P3H2: variants seen among roughly 807,000 people sequenced by gnomAD.
The protein encoded by P3H2 is leprecan-like 1.
In P3H2, 80 loss-of-function variants were observed where a neutral mutation model predicts 87.0. The observed-to-expected ratio is 0.92, with a 90% CI of 0.77 to 1.11. The LOEUF (loss-of-function observed/expected upper bound fraction) is 1.11. Ranked by LOEUF, P3H2 falls within the 50% of genes least tolerant of loss-of-function variation. P3H2 has a pLI of 0.00. For synonymous variants in P3H2, 367 were observed against 359.3 expected, an observed-to-expected ratio of 1.02 and a Z score of -0.24; for missense variants, 1,001 against 923.9, an observed-to-expected ratio of 1.08 and a Z score of -1.08.
intron 1 of P3H2, among the ~76,000 whole-genome samples, chr3:190,052,939 T>C (rs1346433835): frequency 6.6e-6 from 1 of 152,200 alleles, no homozygotes; most frequent in Admixed American, 6.5e-5. Context: ...CAACCGTTGA[T>C]CTGCTTTCAT....
intron 1 of P3H2, among the ~76,000 whole-genome samples, chr3:190,029,502 T>C (rs780367854): frequency 6.6e-6 from 1 of 152,176 alleles, no homozygotes; most frequent in Non-Finnish European, 1.5e-5. Flanking sequence ...GACTTTCTTT[T>C]TTTTTTGCTT....
At chr3:190,037,612 C>T (rs1038414009) in intron 1 of P3H2, among the ~76,000 whole-genome samples, 2 of 151,930 alleles carry the variant, frequency 1.3e-5, no homozygotes, top group Non-Finnish European at 2.9e-5. Context: ...TTTCTTTTTA[C>T]AATTACTGAT....
intron 8 of P3H2, among the ~76,000 whole-genome samples, chr3:189,976,275 A>G (rs1464972351): frequency 1.3e-5 from 2 of 152,182 alleles, no homozygotes; most frequent in Non-Finnish European, 2.9e-5. Context: ...TCTTGCTGCT[A>G]ATAAACACAT....
chr3:189,988,945 G>A lies in P3H2; in HGVS notation c.917C>T (p.Pro306Leu), dbSNP rs1723791457. 2 of 1,614,170 alleles carry A rather than the reference G, an allele frequency of 1.2e-6. No homozygotes were observed. The highest frequency in any genetic ancestry group is 1.7e-6 in the Non-Finnish European group (2 of 1,180,034). The part of the protein sequence containing the change: ...GRLSPIENFL[P>L]LHYDYLQFAY... ...AAACTGTAGGTAATCATAGTGCAGA[G>A]GAAGAAAATTCTCGATGGGAGAGAG... is the stretch of plus-strand genomic sequence containing the variant. The change falls in exon 4 of 15, where the codon CCT becomes CTT. Residue 306 changes from proline (P) to leucine (L), a missense_variant. By Grantham distance (98) the Pro-to-Leu change is moderately conservative. Transcript: ENST00000319332.
chr3:190,005,236 A>T (rs1357155361), intron 1 of P3H2, among the ~76,000 whole-genome samples: 2 of 152,318 alleles, frequency 1.3e-5, no homozygotes, highest in East Asian at 3.9e-4. Flanking sequence ...TTGTGAAATG[A>T]CAAAGCCTCA....
At chr3:190,015,227 T>C (rs541629344) in intron 1 of P3H2, among the ~76,000 whole-genome samples, 20 of 152,290 alleles carry the variant, frequency 1.3e-4, no homozygotes, top group African/African-American at 4.8e-4. Context: ...TTGCCTACTT[T>C]CCTGAGATTA....
In P3H2 at chr3:190,078,244, T is replaced by C. The variant is rs556089214; in HGVS notation, c.480+42008A>G. Among the ~76,000 whole-genome samples, 190 of 152,334 alleles carry C rather than the reference T, an allele frequency of 1.2e-3. 1 individual carries two copies. The highest frequency in any genetic ancestry group is 4.4e-3 in the African/African-American group (181 of 41,590). ...GTCTGTTTGTATTATTTTTTACTTA[T>C]TGTATCTTCAGTGCTTAGGACAGTG... On this transcript the variant is annotated intron_variant, in intron 1 of 14. Coordinates refer to ENST00000319332, the MANE Select transcript of P3H2 (RefSeq NM_018192.4).
intron 1 of P3H2, among the ~76,000 whole-genome samples, chr3:190,023,188 A>G (rs1724985108): frequency 6.6e-6 from 1 of 152,208 alleles, no homozygotes; most frequent in African/African-American, 2.4e-5. Context: ...ACCAAGGACT[A>G]CACTATAAGT....
At chr3:189,994,369 T>C in intron 2 of P3H2, 86 bp from the exon 3 acceptor site, 1 of 1,144,896 alleles carries the variant, frequency 8.7e-7, no homozygotes, top group African/African-American at 1.5e-5. Context: ...AGGGTTTTTG[T>C]TGACTCAGGA....
At chr3:190,008,111 C>A (rs1489952103) in intron 1 of P3H2, among the ~76,000 whole-genome samples, 1 of 151,722 alleles carries the variant, frequency 6.6e-6, no homozygotes, top group African/African-American at 2.4e-5. Flanking sequence ...CCCTAATATA[C>A]TTACATGAAT....
Position 189,995,449 on chromosome 3 carries a change from A to G in P3H2, c.481-7T>C, listed in dbSNP as rs748345148. The G allele has an allele frequency of 1.2e-6, 2 of 1,612,632 alleles. No individual in the cohort carries two copies. The highest frequency in any genetic ancestry group is 2.2e-5 in the East Asian group (1 of 44,892). On this transcript the variant is annotated splice_polypyrimidine_tract_variant and splice_region_variant and intron_variant, in intron 1 of 14. Transcript: ENST00000319332. ...CTTTTTCGAGCTGGTTAAGCTAAAG[A>G]GAAAAAAAAATGACCAAAATGAAGG...
intron 2 of P3H2, among the ~76,000 whole-genome samples, chr3:189,994,716 A>G (rs1287432616): frequency 6.6e-6 from 1 of 150,502 alleles, no homozygotes; most frequent in East Asian, 1.9e-4. Context: ...TTCTGTGATA[A>G]TTTTGGAGGC....
intron 1 of P3H2, among the ~76,000 whole-genome samples, chr3:190,085,364 G>A (rs1352425349): frequency 2.0e-5 from 3 of 152,124 alleles, no homozygotes; most frequent in African/African-American, 7.2e-5. Context: ...CTCAAAGGTA[G>A]CTTACCCCTA....
rs1723980346 is a variant in P3H2, at chr3:189,994,379, A to ATGAG, written c.634-97_634-96insCTCA. The ATGAG allele has an allele frequency of 2.0e-5, 20 of 995,558 alleles. No homozygotes were observed. In the South Asian group the frequency reaches 2.2e-4, roughly 11 times the overall value. 61.7% of individuals were successfully genotyped at this position (995,558 alleles called of 1,614,324 possible). ...AGAGAAGGGTTTTTGTTGACTCAGG[A>ATGAG]TCATCTAGGTAGATGGGGTACTGGA... On this transcript the variant is annotated intron_variant, in intron 2 of 14. Coordinates refer to ENST00000319332, the MANE Select transcript of P3H2 (RefSeq NM_018192.4).
In P3H2 at chr3:189,957,908, AT is replaced by A; in HGVS notation, c.*3del. 1 of 1,580,638 alleles carries A rather than the reference AT, an allele frequency of 6.3e-7. No individual in the cohort carries two copies. The highest frequency in any genetic ancestry group is 2.2e-5 in the East Asian group (1 of 44,728). On this transcript the variant is annotated 3_prime_UTR_variant, in exon 15 of 15. Transcript: ENST00000319332. Reference sequence around the variant, plus strand: ...AATATTTGATAGAACATTCTTTCTCATTTTTATAGCTCATCTTTAGGGTTGA... The same window carrying A: ...AATATTTGATAGAACATTCTTTCTCATTTTATAGCTCATCTTTAGGGTTGA...
chr3:190,120,587 C>A lies in P3H2; in HGVS notation c.145G>T (p.Ala49Ser), dbSNP rs778310746. ...CTGTAGTAGGCGGCCGCGCCGCTGG[C>A]GTAGAGCAGGTCGAAGGGCTGCAGA... Reference protein sequence around the residue: ...GPLQPFDLLYASGAAAYYSGD... With the variant: ...GPLQPFDLLYSSGAAAYYSGD... The change falls in exon 1 of 15, where the codon GCC (alanine) becomes TCC (serine). Residue 49 changes from alanine (A) to serine (S), a missense_variant. Ala to Ser is a moderately conservative substitution (Grantham distance 99). Coordinates refer to ENST00000319332, the MANE Select transcript of P3H2 (RefSeq NM_018192.4). 7.8e-5 allele frequency: 121 copies of A among 1,546,282 alleles called. 2 individuals are homozygous for A. In the East Asian group the frequency reaches 3.0e-3, roughly 38 times the overall value.
chr3:190,044,349 G>C (rs1437019376), intron 1 of P3H2, among the ~76,000 whole-genome samples: 1 of 152,192 alleles, frequency 6.6e-6, no homozygotes, highest in African/African-American at 2.4e-5. Context: ...TTACAGTACA[G>C]AGAAATCAGA....
rs553589101 is a variant in P3H2 at position 190,038,928 on chromosome 3, G to A, written c.481-43486C>T. On this transcript the variant is annotated intron_variant, in intron 1 of 14. Transcript: ENST00000319332. ...ACTGTGGCCAGGTGCGGTGGTTCACGCTTGTAATCCCAGCACTTTGGGAAG... is the reference window on the plus strand; with the variant it reads ...ACTGTGGCCAGGTGCGGTGGTTCACACTTGTAATCCCAGCACTTTGGGAAG... Among the ~76,000 whole-genome samples, 8 of 152,268 alleles carry A rather than the reference G, an allele frequency of 5.3e-5. No individual in the cohort carries two copies. In the East Asian group the frequency reaches 7.7e-4, roughly 15 times the overall value.
At chr3:190,098,047 A>G (rs1004794571) in intron 1 of P3H2, among the ~76,000 whole-genome samples, 1 of 152,254 alleles carries the variant, frequency 6.6e-6, no homozygotes, top group African/African-American at 2.4e-5. Context: ...AAATAAAAAA[A>G]CATTTTATGA....
Sources: gnomAD v4.1 joint callset for allele counts (sites outside exome capture counted in the v4.1 genomes callset) on GRCh38, gnomAD v4.1.1 for gene constraint, MANE v1.5 for transcripts, NCBI Gene and HGNC (gene_info 2026-07-23, HGNC 2026-07-21) for gene names.